DACH2: variants seen among roughly 807,000 people sequenced by gnomAD.
DACH2 encodes dachshund homolog 2.
Under a neutral mutation model 35.8 loss-of-function variants are expected in DACH2, and 17 were observed. The ratio of observed to expected loss-of-function variants is 0.48; its 90% CI spans 0.33 to 0.71. The LOEUF is 0.71. DACH2 is among the 30% of genes least tolerant of loss of function. The pLI is 0.02. For synonymous variants in DACH2, 195 were observed against 177.3 expected (o/e 1.10, Z -0.79); for missense variants, 469 against 472.7 (o/e 0.99, Z 0.07).
chrX:86,386,067 CA>C (rs1342144278), intron 2 of DACH2, among the ~76,000 whole-genome samples: 1 of 111,678 alleles, frequency 9.0e-6, no homozygotes, highest in Non-Finnish European at 1.9e-5. Context: ...CATATTTCTT[CA>C]GCTTTTCTCT....
chrX:86,396,971 G>T (rs1443505768), intron 2 of DACH2, among the ~76,000 whole-genome samples: 102 of 110,977 alleles, frequency 9.2e-4, no homozygotes, highest in Non-Finnish European at 1.7e-3. Context: ...ATCTGTAAAT[G>T]ACCTTGGGCA....
intron 6 of DACH2, among the ~76,000 whole-genome samples, chrX:86,729,110 G>A (rs916685190): frequency 8.9e-6 from 1 of 112,362 alleles, no homozygotes; most frequent in Non-Finnish European, 1.9e-5. Context: ...GAGCAGCACA[G>A]GGTCTGAACC....
In DACH2 at chrX:86,702,161, CT is replaced by C. The variant is rs1312168521; in HGVS notation, c.931+6983del. 2.7e-5 allele frequency among the ~76,000 whole-genome samples: 3 copies of C among 111,580 alleles called. No homozygotes were observed. In the Admixed American group the frequency reaches 2.9e-4, roughly 11 times the overall value. Reference sequence around the variant, plus strand: ...AAGAACATGGAAATTAAACAATCTGCTCTTGAAAGATTTTTGGTTTGACAAT... The same window carrying C: ...AAGAACATGGAAATTAAACAATCTGCCTTGAAAGATTTTTGGTTTGACAAT... On this transcript the variant is annotated intron_variant, in intron 5 of 11. Coordinates refer to ENST00000373125, the MANE Select transcript of DACH2 (RefSeq NM_053281.3).
chrX:86,170,009 G>T, intron 1 of DACH2, among the ~76,000 whole-genome samples: 1 of 111,299 alleles, frequency 9.0e-6, no homozygotes, highest in East Asian at 2.9e-4. Context: ...CACTTGAAAA[G>T]ACTTGGGTGT....
chrX:86,226,402 G>GA (rs1338963985), intron 1 of DACH2, among the ~76,000 whole-genome samples: 3 of 90,365 alleles, frequency 3.3e-5, no homozygotes, highest in African/African-American at 1.0e-4. Context: ...TTACACAGCT[G>GA]AAAAAAAAAG....
chrX:86,532,899 A>G (rs950062497), intron 3 of DACH2, among the ~76,000 whole-genome samples: 1 of 111,249 alleles, frequency 9.0e-6, no homozygotes, highest in Non-Finnish European at 1.9e-5. Context: ...GAAATGCATA[A>G]CATTGTTTAA....
At chrX:86,439,188 G>A (rs2037118825) in intron 2 of DACH2, among the ~76,000 whole-genome samples, 1 of 111,946 alleles carries the variant, frequency 8.9e-6, no homozygotes, top group African/African-American at 3.2e-5. Flanking sequence ...CCATTTGTAT[G>A]TCTTCTTTTG....
intron 3 of DACH2, among the ~76,000 whole-genome samples, chrX:86,637,370 T>C (rs1962715346): frequency 9.1e-6 from 1 of 109,425 alleles, no homozygotes; most frequent in Non-Finnish European, 1.9e-5. Context: ...AAATATACTA[T>C]TCAACTCAAC....
intron 2 of DACH2, among the ~76,000 whole-genome samples, chrX:86,457,536 C>G (rs2037496959): frequency 8.9e-6 from 1 of 112,143 alleles, no homozygotes; most frequent in South Asian, 3.7e-4. Context: ...TTTGCTAATT[C>G]ACAAAATATT....
chrX:86,757,228 A>G (rs1206510714), intron 7 of DACH2, among the ~76,000 whole-genome samples: 1 of 111,441 alleles, frequency 9.0e-6, no homozygotes, highest in Non-Finnish European at 1.9e-5. Flanking sequence ...CTGCACCCCT[A>G]TGTTGATTGT....
chrX:86,671,201 T>G (rs1049148290), intron 4 of DACH2, among the ~76,000 whole-genome samples: 1 of 112,243 alleles, frequency 8.9e-6, no homozygotes, highest in Non-Finnish European at 1.9e-5. Flanking sequence ...GTGACCTTCA[T>G]TGTGTATACA....
intron 4 of DACH2, among the ~76,000 whole-genome samples, chrX:86,681,709 C>T (rs749241929): frequency 2.9e-5 from 3 of 104,434 alleles, no homozygotes; most frequent in African/African-American, 1.1e-4. Flanking sequence ...TTATTGTATT[C>T]TGAATTAGAT....
intron 2 of DACH2, among the ~76,000 whole-genome samples, chrX:86,435,455 A>G (rs1354750567): frequency 8.9e-6 from 1 of 112,047 alleles, no homozygotes; most frequent in Non-Finnish European, 1.9e-5. Context: ...AGAAACTTAA[A>G]TCACATAATA....
intron 1 of DACH2, among the ~76,000 whole-genome samples, chrX:86,242,373 C>T (rs1019476725): frequency 1.5e-4 from 17 of 112,133 alleles, no homozygotes; most frequent in African/African-American, 4.9e-4. Context: ...CTGCTGCATT[C>T]AGACTTGCAT....
intron 2 of DACH2, among the ~76,000 whole-genome samples, chrX:86,465,560 G>T: frequency 8.9e-6 from 1 of 111,938 alleles, no homozygotes; most frequent in South Asian, 3.7e-4. Flanking sequence ...GGAATATCAA[G>T]TTGATGACTC....
At chrX:86,482,544 A>G (rs1048265157) in intron 2 of DACH2, among the ~76,000 whole-genome samples, 16 of 108,396 alleles carry the variant, frequency 1.5e-4, no homozygotes, top group Non-Finnish European at 2.5e-4. Flanking sequence ...TCCTTTGGGT[A>G]TATACCCAGT....
At chrX:86,745,672 C>A (rs148296099) in intron 7 of DACH2, among the ~76,000 whole-genome samples, 1 of 111,146 alleles carries the variant, frequency 9.0e-6, no homozygotes, top group Admixed American at 9.6e-5. Context: ...GATTTAACGT[C>A]TCTGCTCTTG....
intron 2 of DACH2, among the ~76,000 whole-genome samples, chrX:86,396,583 A>T (rs1316150164): frequency 9.4e-6 from 1 of 106,777 alleles, no homozygotes; most frequent in African/African-American, 3.5e-5. Flanking sequence ...TAAGGAAGGG[A>T]TCCAGTTTCA....
At chrX:86,450,273 T>G (rs916704687) in intron 2 of DACH2, among the ~76,000 whole-genome samples, 2 of 111,033 alleles carry the variant, frequency 1.8e-5, no homozygotes, top group African/African-American at 3.3e-5. Flanking sequence ...CCACCATATG[T>G]CCATGTGTTC....
Sources: allele counts gnomAD v4.1 joint callset (sites outside exome capture counted in the v4.1 genomes callset), GRCh38; gene constraint gnomAD v4.1.1; transcripts MANE v1.5; gene names NCBI Gene and HGNC (gene_info 2026-07-23, HGNC 2026-07-21).